Variants in MAF observed in about 807,000 individuals in gnomAD.
The protein encoded by MAF is MAF bZIP transcription factor.
A neutral mutation model predicts 22.0 loss-of-function variants in MAF; 10 were observed. That is an observed-to-expected ratio of 0.45 (90% CI 0.28 to 0.77). The LOEUF (loss-of-function observed/expected upper bound fraction) is 0.77, where lower values mean the gene tolerates loss of function less well. Ranked by LOEUF, MAF falls within the 30% of genes least tolerant of loss-of-function variation. MAF has a pLI of 0.12. For missense variants in MAF, 544 were observed against 548.4 expected (o/e 0.99, Z 0.08); for synonymous variants, 337 against 255.8 (o/e 1.32, Z -3.03).
chr16:79,317,853 GC>G, the MAF span, among the ~76,000 whole-genome samples: 1 of 152,106 alleles, frequency 6.6e-6, no homozygotes, highest in Non-Finnish European at 1.5e-5. Context: ...CTAGCCCCCA[GC>G]CCCTGCTCCA....
In MAF at chr16:79,600,736, A is replaced by G. The variant is rs1597850877; in HGVS notation, c.-834T>C. 5.2e-6 allele frequency: 1 copy of G among 192,852 alleles called. No individual in the cohort carries two copies. Among genetic ancestry groups the G allele is most frequent in the African/African-American group, 2.4e-5 (1 of 42,268 alleles). 11.9% of individuals were successfully genotyped at this position (192,852 alleles called of 1,614,324 possible). A position where few individuals can be genotyped will look rare whatever the true frequency, so the allele number is the denominator to read the frequency against. ...AGATTTTAAAGCCTCTGATCCAGCA[A>G]GAAGAGTTTAAAGCAATTGCTGAGT... is the stretch of plus-strand genomic sequence containing the variant. On this transcript the variant is annotated 5_prime_UTR_variant, in exon 1 of 2. Transcript: ENST00000326043.
chr16:79,383,861 G>T, the MAF span, among the ~76,000 whole-genome samples: 8 of 152,198 alleles, frequency 5.3e-5, no homozygotes, highest in Admixed American at 2.6e-4. Flanking sequence ...TAGTCATCAA[G>T]ATGAAATCTG....
the MAF span, among the ~76,000 whole-genome samples, chr16:79,383,100 A>G: frequency 6.6e-6 from 1 of 152,240 alleles, no homozygotes; most frequent in African/African-American, 2.4e-5. Context: ...TATACTTGAT[A>G]AAATGTAAAC....
At chr16:79,398,626 T>A in the MAF span, among the ~76,000 whole-genome samples, 1 of 152,116 alleles carries the variant, frequency 6.6e-6, no homozygotes, top group African/African-American at 2.4e-5. Flanking sequence ...TGCATTTGTG[T>A]CTATCTGTAT....
At chr16:79,491,086 G>A in the MAF span, among the ~76,000 whole-genome samples, 1 of 152,216 alleles carries the variant, frequency 6.6e-6, no homozygotes, top group African/African-American at 2.4e-5. Context: ...GAACGGAAAG[G>A]GAAGGTGAGA....
the MAF span, among the ~76,000 whole-genome samples, chr16:79,513,098 C>T: frequency 2.6e-5 from 4 of 152,360 alleles, no homozygotes; most frequent in Middle Eastern, 3.4e-3. Context: ...CATAAATGCA[C>T]GTGTGCATGT....
At chr16:79,314,750 G>A in the MAF span, among the ~76,000 whole-genome samples, 1 of 152,126 alleles carries the variant, frequency 6.6e-6, no homozygotes, top group African/African-American at 2.4e-5. Flanking sequence ...ATGAGAGGAG[G>A]CTCGGAGGCC....
downstream of MAF, among the ~76,000 whole-genome samples, chr16:79,583,341 C>G (rs112240499): frequency 5.0e-3 from 758 of 152,292 alleles, 7 homozygotes; most frequent in African/African-American, 0.017. Flanking sequence ...ACGATGTCCA[C>G]TCCATCTGCC....
chr16:79,559,916 T>C, the MAF span, among the ~76,000 whole-genome samples: 1 of 152,172 alleles, frequency 6.6e-6, no homozygotes, highest in Non-Finnish European at 1.5e-5. Flanking sequence ...CTATGTCACC[T>C]TTTTTGAGAC....
chr16:79,382,147 C>T, the MAF span, among the ~76,000 whole-genome samples: 1 of 152,170 alleles, frequency 6.6e-6, no homozygotes, highest in Non-Finnish European at 1.5e-5. Context: ...CAAGCAAAGT[C>T]GCCAGCCTAG....
At chr16:79,377,337 G>A in the MAF span, among the ~76,000 whole-genome samples, 6 of 152,330 alleles carry the variant, frequency 3.9e-5, no homozygotes, top group South Asian at 2.1e-4. Context: ...TTTGAGAAGT[G>A]TCTGTTCATA....
chr16:79,460,405 T>C, the MAF span, among the ~76,000 whole-genome samples: 4 of 152,290 alleles, frequency 2.6e-5, no homozygotes, highest in South Asian at 8.3e-4. Flanking sequence ...CCAACCTAAT[T>C]TGAAATGTTA....
chr16:79,367,702 C>T, the MAF span, among the ~76,000 whole-genome samples: 36 of 152,280 alleles, frequency 2.4e-4, no homozygotes, highest in African/African-American at 8.7e-4. Context: ...TTCAGTTTCA[C>T]TTAATTCTAG....
At chr16:79,489,583 C>T in the MAF span, among the ~76,000 whole-genome samples, 2 of 152,160 alleles carry the variant, frequency 1.3e-5, no homozygotes, top group Non-Finnish European at 2.9e-5. Context: ...ATCAGGGAAG[C>T]TCCTTAGAGG....
chr16:79,211,918 G>A, the MAF span: 5 of 1,544,704 alleles, frequency 3.2e-6, no homozygotes, highest in Non-Finnish European at 4.3e-6. Context: ...AAGGAAATAA[G>A]AGCAGTCACA....
the MAF span, among the ~76,000 whole-genome samples, chr16:79,549,717 G>C: frequency 3.3e-5 from 5 of 152,102 alleles, no homozygotes; most frequent in Admixed American, 6.5e-5. Flanking sequence ...ATCTAAAAAA[G>C]CGCCCTGGAA....
At chr16:79,411,766 C>T in the MAF span, among the ~76,000 whole-genome samples, 3 of 152,238 alleles carry the variant, frequency 2.0e-5, no homozygotes, top group African/African-American at 4.8e-5. Context: ...GCTCACTCTT[C>T]CTGCATGTTA....
chr16:79,420,801 G>A, the MAF span, among the ~76,000 whole-genome samples: 6 of 152,186 alleles, frequency 3.9e-5, no homozygotes, highest in Non-Finnish European at 7.3e-5. Context: ...AGGCCAAGGC[G>A]GGTGGATCAC....
At chr16:79,414,853 A>G in the MAF span, among the ~76,000 whole-genome samples, 7 of 152,130 alleles carry the variant, frequency 4.6e-5, no homozygotes, top group African/African-American at 1.7e-4. Context: ...GGACCAGGGA[A>G]CTCCTCCACG....
Sources: gnomAD v4.1 joint callset for allele counts (sites outside exome capture counted in the v4.1 genomes callset) on GRCh38, gnomAD v4.1.1 for gene constraint, MANE v1.5 for transcripts, NCBI Gene and HGNC (gene_info 2026-07-23, HGNC 2026-07-21) for gene names.